HMX1: variants seen among roughly 807,000 people sequenced by gnomAD.
The protein encoded by HMX1 is homeobox protein HMX1.
HMX1 carries 8 observed loss-of-function variants against 8.9 expected under a neutral mutation model. That is an observed-to-expected ratio of 0.90 (90% CI 0.53 to 1.63). The LOEUF is 1.63. Among genes scored for constraint, HMX1 ranks in the 40% most tolerant of loss-of-function variants. HMX1 has a pLI of 0.00. For missense variants in HMX1, 621 were observed against 558.5 expected, an observed-to-expected ratio of 1.11 and a Z score of -1.13; for synonymous variants, 311 against 283.4, an observed-to-expected ratio of 1.10 and a Z score of -0.98.
rs756143330 is a variant in HMX1, at chr4:8,848,763, C to T, written c.395-2439G>A. ...ACACCCAACCTGGGTCAGAAGATTACCCCAGGGCAAGTAGCAAGGAGACAT... is the reference window on the plus strand; with the variant it reads ...ACACCCAACCTGGGTCAGAAGATTATCCCAGGGCAAGTAGCAAGGAGACAT... On this transcript the variant is annotated intron_variant, in intron 1 of 1. Transcript: ENST00000506970. This position sits in a 1 kb window ranked among gnomAD's most constrained non-coding sequence, Gnocchi z 4.1. Among the ~76,000 whole-genome samples, 40 of 152,162 alleles carry T rather than the reference C, an allele frequency of 2.6e-4. No individual in the cohort carries two copies. The highest frequency in any genetic ancestry group is 4.9e-4 in the Non-Finnish European group (33 of 68,036).
intron 1 of HMX1, among the ~76,000 whole-genome samples, chr4:8,856,356 C>T (rs13303293): frequency 0.41 from 62,944 of 151,924 alleles, 15,686 homozygotes; most frequent in Non-Finnish European, 0.58. Context: ...CTGTGTCCTC[C>T]GGTGGGGGTG....
intron 1 of HMX1, among the ~76,000 whole-genome samples, chr4:8,850,650 T>C (rs540328884): frequency 1.9e-4 from 29 of 152,294 alleles, no homozygotes; most frequent in South Asian, 4.1e-4. Context: ...CTACCTGTGT[T>C]CACACCATCC....
chr4:8,869,143 G>A (rs1163564856), intron 1 of HMX1, among the ~76,000 whole-genome samples: 1 of 152,222 alleles, frequency 6.6e-6, no homozygotes, highest in African/African-American at 2.4e-5. Context: ...TGGAGGTTCA[G>A]CCTCATGGGT....
In HMX1 at chr4:8,857,458, G is replaced by A. The variant is rs187057606; in HGVS notation, c.395-11134C>T. 1.7e-3 allele frequency among the ~76,000 whole-genome samples: 263 copies of A among 152,278 alleles called. 1 individual carries two copies. Among genetic ancestry groups the A allele is most frequent in the African/African-American group, 5.6e-3 (231 of 41,560 alleles). On this transcript the variant is annotated intron_variant, in intron 1 of 1. Transcript: ENST00000506970. ...CCTTCCCCCGCGGCTTCCCTGCTGC[G>A]CCGGGCCTCCCAGGTCTCACCCCGA...
rs1041970989 is a variant in HMX1 at position 8,848,887 on chromosome 4, C to T, written c.395-2563G>A. Among the ~76,000 whole-genome samples, 11 of 152,200 alleles carry T rather than the reference C, an allele frequency of 7.2e-5. No homozygotes were observed. The highest frequency in any genetic ancestry group is 2.7e-4 in the African/African-American group (11 of 41,450). Reference sequence around the variant, plus strand: ...GGCCATCTGTGCACCGTGCTCAAAGCCTCACCTTCCAACTACAAAGAGAAA... The same window carrying T: ...GGCCATCTGTGCACCGTGCTCAAAGTCTCACCTTCCAACTACAAAGAGAAA... On this transcript the variant is annotated intron_variant, in intron 1 of 1. Coordinates refer to the HMX1 transcript ENST00000506970. This position sits in a 1 kb window ranked among gnomAD's most constrained non-coding sequence, Gnocchi z 4.1.
In HMX1 at chr4:8,848,054, A is replaced by G. The variant is rs1313158990; in HGVS notation, c.395-1730T>C. ...CGACACTCGATTCAGTTATTGGACA[A>G]CACTGAAGTATGTTTGGAACAACTT... On this transcript the variant is annotated intron_variant, in intron 1 of 1. Transcript: ENST00000506970. The surrounding 1 kb of genome is among the most constrained non-coding windows in gnomAD (Gnocchi z 4.1). Among the ~76,000 whole-genome samples the G allele has an allele frequency of 6.6e-6, 1 of 152,228 alleles. No individual in the cohort carries two copies. The highest frequency in any genetic ancestry group is 1.9e-4 in the East Asian group (1 of 5,194).
chr4:8,849,770 T>C lies in HMX1; in HGVS notation c.395-3446A>G, dbSNP rs953286650. 2.6e-5 allele frequency among the ~76,000 whole-genome samples: 4 copies of C among 152,076 alleles called. No homozygotes were observed. The highest frequency in any genetic ancestry group is 9.7e-5 in the African/African-American group (4 of 41,420). Reference sequence around the variant, plus strand: ...CCTTGCTGGGTAGGGCAGGAAGAAATGGGGACCCTCACAGGAGGTCTCTGA... The same window carrying C: ...CCTTGCTGGGTAGGGCAGGAAGAAACGGGGACCCTCACAGGAGGTCTCTGA... On this transcript the variant is annotated intron_variant, in intron 1 of 1. Coordinates refer to the HMX1 transcript ENST00000506970. The surrounding 1 kb of genome is among the most constrained non-coding windows in gnomAD (Gnocchi z 6.6).
intron 1 of HMX1, chr4:8,860,901 G>C (rs983204069): frequency 1.3e-5 from 2 of 151,874 alleles, no homozygotes; most frequent in Non-Finnish European, 2.9e-5. Context: ...GAGGGGCGAG[G>C]CTGAAGGCTG....
rs928125959 is a variant in HMX1, at chr4:8,867,372, G to A, written c.*321C>T. On this transcript the variant is annotated 3_prime_UTR_variant, in exon 2 of 2. Coordinates refer to ENST00000400677, the MANE Select transcript of HMX1 (RefSeq NM_018942.3). ...GGCTTGGCCTGAGGGCAGCTGCCCCGGGTGGCCATGGCCGACCGCTCCTCG... is the reference window on the plus strand; with the variant it reads ...GGCTTGGCCTGAGGGCAGCTGCCCCAGGTGGCCATGGCCGACCGCTCCTCG... The A allele has an allele frequency of 9.6e-7, 1 of 1,037,470 alleles. No individual in the cohort carries two copies. Among genetic ancestry groups the A allele is most frequent in the African/African-American group, 1.7e-5 (1 of 58,926 alleles). 64.3% of individuals were successfully genotyped at this position (1,037,470 alleles called of 1,614,324 possible).
At position 8,871,145 on chromosome 4, in the gene HMX1, C is replaced by G. The variant is rs1722199448; in HGVS notation, c.394+76G>C. 2.4e-6 allele frequency: 3 copies of G among 1,266,288 alleles called. No homozygotes were observed. Among genetic ancestry groups the G allele is most frequent in the Non-Finnish European group, 3.0e-6 (3 of 996,174 alleles). 78.4% of individuals were successfully genotyped at this position (1,266,288 alleles called of 1,614,324 possible). A position where few individuals can be genotyped will look rare whatever the true frequency, so the allele number is the denominator to read the frequency against. On this transcript the variant is annotated intron_variant, in intron 1 of 1. Transcript: ENST00000400677. The surrounding 1 kb of genome is among the most constrained non-coding windows in gnomAD (Gnocchi z 4.8). ...GGCCCAGAACGGGCGGCGACGAGCC[C>G]GAAGTCCCCCAGCAAATGCGCAGGG...
intron 1 of HMX1, among the ~76,000 whole-genome samples, chr4:8,855,486 G>A (rs1485516297): frequency 1.3e-5 from 2 of 152,154 alleles, no homozygotes; most frequent in Admixed American, 6.5e-5. Flanking sequence ...GGGGCCAGGC[G>A]GGAGGTCTCC....
chr4:8,854,284 G>A (rs1056134631), intron 1 of HMX1, among the ~76,000 whole-genome samples: 11 of 152,258 alleles, frequency 7.2e-5, no homozygotes, highest in African/African-American at 2.4e-4. Context: ...TCCCCCAGCA[G>A]GGCCTGGGCC....
At position 8,871,363 on chromosome 4, in the gene HMX1, ACGGGCCCGCGCCTCCCCGC is replaced by A; in HGVS notation, c.233_251del (p.Gly78ValfsTer141). ...CCAGCGCGCCCGGCCCGAGCAGCGC[ACGGGCCCGCGCCTCCCCGC>A]CGGGCCCGGTGCCCGCGAGCAACTG... On this transcript the variant is annotated frameshift_variant, in exon 1 of 2. Coordinates refer to ENST00000400677, the MANE Select transcript of HMX1 (RefSeq NM_018942.3). LOFTEE classifies it high-confidence loss of function. This position sits in a 1 kb window ranked among gnomAD's most constrained non-coding sequence, Gnocchi z 4.8. 8.0e-7 allele frequency: 1 copy of A among 1,242,622 alleles called. No individual in the cohort carries two copies. The highest frequency in any genetic ancestry group is 1.6e-5 in the African/African-American group (1 of 62,656). 77.0% of individuals were successfully genotyped at this position (1,242,622 alleles called of 1,614,324 possible). A position where few individuals can be genotyped will look rare whatever the true frequency, so the allele number is the denominator to read the frequency against.
In HMX1 at chr4:8,868,132, T is replaced by C. The variant is rs1369239864; in HGVS notation, c.608A>G (p.Lys203Arg). 6.6e-7 allele frequency: 1 copy of C among 1,512,764 alleles called. No individual in the cohort carries two copies. The highest frequency in any genetic ancestry group is 8.8e-7 in the Non-Finnish European group (1 of 1,135,158). The allele number at this position is 1,512,764 out of a possible 1,614,324, so 93.7% of individuals were successfully genotyped here. A position where few individuals can be genotyped will look rare whatever the true frequency, so the allele number is the denominator to read the frequency against. The stretch of plus-strand genomic sequence containing the variant: ...GGAGAAGACTGTGCGCGTCTTCTTC[T>C]TTCGGCCGCCGCCCACGCCAACGCC... ...RGGVGVGGGR[K>R]KKTRTVFSRS... Residue 203 changes from lysine to arginine, a missense_variant, in exon 2 of 2, where the codon AAG (lysine) becomes AGG (arginine). Lys to Arg is a conservative substitution (Grantham distance 26). Transcript: ENST00000400677. This position sits in a 1 kb window ranked among gnomAD's most constrained non-coding sequence, Gnocchi z 4.6.
Position 8,870,715 on chromosome 4 carries a change from C to A in HMX1, c.394+506G>T, listed in dbSNP as rs1722182904. On this transcript the variant is annotated intron_variant, in intron 1 of 1. Transcript: ENST00000400677. The surrounding 1 kb of genome is among the most constrained non-coding windows in gnomAD (Gnocchi z 4.4). ...CCCTTTTATTTTTCCACGTCTGATG[C>A]TACTTTGTCTCCCTTTCCCTCCATC... Among the ~76,000 whole-genome samples the A allele has an allele frequency of 6.7e-6, 1 of 148,396 alleles. No individual in the cohort carries two copies. Among genetic ancestry groups the A allele is most frequent in the African/African-American group, 2.5e-5 (1 of 40,564 alleles).
chr4:8,863,548 G>C (rs990445009), downstream of HMX1, among the ~76,000 whole-genome samples: 5 of 152,250 alleles, frequency 3.3e-5, no homozygotes, highest in African/African-American at 7.2e-5. Context: ...ATCTTCTCAG[G>C]GTGCTCCCGC....
At chr4:8,859,775 G>A (rs1325581462) in intron 1 of HMX1, among the ~76,000 whole-genome samples, 3 of 152,224 alleles carry the variant, frequency 2.0e-5, no homozygotes, top group Non-Finnish European at 4.4e-5. Flanking sequence ...GTCATCGTGG[G>A]AATACCGTGG....
intron 1 of HMX1, among the ~76,000 whole-genome samples, chr4:8,857,964 C>A (rs984318829): frequency 2.0e-5 from 3 of 152,018 alleles, no homozygotes; most frequent in African/African-American, 7.2e-5. Flanking sequence ...GGAGAGGAGG[C>A]GGAGGAGGGG....
At chr4:8,846,253 C>G in exon 2 of HMX1, 1 of 1,535,034 alleles carries the variant, frequency 6.5e-7, no homozygotes, top group East Asian at 2.4e-5. Flanking sequence ...CTTCTGTTCA[C>G]TTTGTATTTA....
Sources: gnomAD v4.1 joint callset for allele counts (sites outside exome capture counted in the v4.1 genomes callset) on GRCh38, gnomAD v4.1.1 for gene constraint, Gnocchi (gnomAD v3.1) non-coding constraint, MANE v1.5 for transcripts, NCBI Gene and HGNC (gene_info 2026-07-23, HGNC 2026-07-21) for gene names.